The following STPG2 variants were observed in gnomAD, a reference collection of about 807,000 sequenced individuals.
STPG2 encodes the protein sperm-tail PG-rich repeat-containing protein 2.
Under a neutral mutation model 54.2 loss-of-function variants are expected in STPG2, and 56 were observed. The ratio of observed to expected loss-of-function variants is 1.03; its 90% CI spans 0.83 to 1.29. STPG2 has a LOEUF of 1.29. Ranked by LOEUF, STPG2 falls within the 50% of genes most tolerant of loss-of-function variation. The pLI is 0.00. For synonymous variants in STPG2, 200 were observed against 181.8 expected, an observed-to-expected ratio of 1.10 and a Z score of -0.81; for missense variants, 596 against 544.9, an observed-to-expected ratio of 1.09 and a Z score of -0.93.
intron 1 of STPG2, among the ~76,000 whole-genome samples, chr4:98,140,335 C>T (rs1740246908): frequency 6.6e-6 from 1 of 151,930 alleles, no homozygotes; most frequent in Non-Finnish European, 1.5e-5. Context: ...AGATGTTAAC[C>T]TTGATATTAC....
At chr4:98,040,787 T>A (rs1383235154) in intron 5 of STPG2, among the ~76,000 whole-genome samples, 1 of 151,972 alleles carries the variant, frequency 6.6e-6, no homozygotes, top group Admixed American at 6.6e-5. Context: ...TTGCTTAGGA[T>A]TGCCTTGGAT....
intron 10 of STPG2, among the ~76,000 whole-genome samples, chr4:97,634,490 G>T (rs966710305): frequency 6.6e-6 from 1 of 152,198 alleles, no homozygotes; most frequent in Non-Finnish European, 1.5e-5. Flanking sequence ...GCTGGACAGA[G>T]AATGACTTTG....
At chr4:97,956,773 TA>T (rs1357962795) in intron 7 of STPG2, among the ~76,000 whole-genome samples, 3 of 152,192 alleles carry the variant, frequency 2.0e-5, no homozygotes, top group Admixed American at 2.0e-4. Context: ...AGGGGGAGAA[TA>T]ATACAGCAAG....
chr4:97,658,105 T>C (rs1722268592), intron 10 of STPG2, among the ~76,000 whole-genome samples: 1 of 152,236 alleles, frequency 6.6e-6, no homozygotes, highest in East Asian at 1.9e-4. Flanking sequence ...ATCAGTTCCT[T>C]CCTCCCATTT....
intron 5 of STPG2, among the ~76,000 whole-genome samples, chr4:97,999,680 C>T (rs1271142938): frequency 1.3e-5 from 2 of 151,248 alleles, no homozygotes; most frequent in Non-Finnish European, 2.9e-5. Flanking sequence ...GCCTAAGTGA[C>T]GGAGTGAGAC....
At chr4:97,616,108 A>ATGTATATAT (rs1733867893) in intron 10 of STPG2, among the ~76,000 whole-genome samples, 1 of 87,286 alleles carries the variant, frequency 1.1e-5, no homozygotes, top group South Asian at 5.4e-4. Context: ...ATGTATATTT[A>ATGTATATAT]ATAGTAAGAC....
chr4:97,781,037 C>G (rs7699091), intron 9 of STPG2, among the ~76,000 whole-genome samples: 24,476 of 151,824 alleles, frequency 0.16, 2,138 homozygotes, highest in East Asian at 0.36. Context: ...GAAGCAAGAG[C>G]AAACACATTC....
intron 10 of STPG2, among the ~76,000 whole-genome samples, chr4:97,689,130 C>G (rs1010269344): frequency 1.3e-5 from 2 of 151,764 alleles, no homozygotes; most frequent in African/African-American, 4.8e-5. Flanking sequence ...ACTTTTTGGT[C>G]ACAAAAAAGA....
intron 10 of STPG2, among the ~76,000 whole-genome samples, chr4:97,566,829 C>G (rs1243458925): frequency 3.2e-4 from 45 of 142,540 alleles, no homozygotes; most frequent in Non-Finnish European, 4.5e-5. Context: ...AGGAACTGAA[C>G]AATGAGAACA....
chr4:98,041,094 C>T (rs1439821147), intron 5 of STPG2, among the ~76,000 whole-genome samples: 1 of 151,648 alleles, frequency 6.6e-6, no homozygotes, highest in East Asian at 1.9e-4. Context: ...ATTTTTGTAG[C>T]TATTGTAAAT....
chr4:97,933,060 C>G (rs1212315035), intron 8 of STPG2, among the ~76,000 whole-genome samples: 1 of 152,128 alleles, frequency 6.6e-6, no homozygotes. Context: ...AATCACTATT[C>G]TGACTGGCAT....
At chr4:97,928,370 G>C (rs898803522) in intron 8 of STPG2, among the ~76,000 whole-genome samples, 2 of 152,110 alleles carry the variant, frequency 1.3e-5, no homozygotes, top group African/African-American at 2.4e-5. Flanking sequence ...TTTCTTTTGT[G>C]TAGAAGTTTT....
chr4:97,990,554 G>T (rs1438683356), intron 5 of STPG2, among the ~76,000 whole-genome samples: 2 of 152,122 alleles, frequency 1.3e-5, no homozygotes, highest in Admixed American at 1.3e-4. Context: ...TCAGAATCTT[G>T]TTGAGTATGG....
chr4:97,938,356 G>T (rs1029305634), intron 8 of STPG2, among the ~76,000 whole-genome samples: 1 of 152,218 alleles, frequency 6.6e-6, no homozygotes, highest in Non-Finnish European at 1.5e-5. Flanking sequence ...CCTCCCCTGG[G>T]AAGCTGAGCT....
chr4:97,703,794 ATG>A (rs111993291), intron 10 of STPG2, among the ~76,000 whole-genome samples: 82 of 144,404 alleles, frequency 5.7e-4, no homozygotes, highest in Non-Finnish European at 7.4e-4. Flanking sequence ...GTGTATATAT[ATG>A]TGTGTGTGTG....
Position 97,981,308 on chromosome 4 carries a change from G to A in STPG2, c.623C>T (p.Pro208Leu). 3.7e-6 allele frequency: 6 copies of A among 1,613,540 alleles called. No homozygotes were observed. The highest frequency in any genetic ancestry group is 4.2e-6 in the Non-Finnish European group (5 of 1,179,824). The stretch of plus-strand genomic sequence containing the variant: ...AGGAGCCGGGGTGATTGATTTCATA[G>A]GTAAAAATCTCTAGTGAAGAACAGG... The part of the protein sequence containing the change: ...VLQEKKKRFL[P>L]MKSITPAPGT... The change falls in exon 6 of 11, where the codon CCT becomes CTT. Residue 208 changes from proline (P) to leucine (L), a missense_variant. Physicochemically the swap from Pro to Leu is moderately conservative, Grantham distance 98. Transcript: ENST00000295268.
Position 98,138,357 on chromosome 4 carries a change from G to C in STPG2, c.110-3898C>G, listed in dbSNP as rs541019866. 2.6e-4 allele frequency among the ~76,000 whole-genome samples: 39 copies of C among 152,150 alleles called. No homozygotes were observed. In the South Asian group the frequency reaches 7.3e-3, roughly 28 times the overall value. On this transcript the variant is annotated intron_variant, in intron 1 of 10. Coordinates refer to ENST00000295268, the MANE Select transcript of STPG2 (RefSeq NM_174952.3). ...CAAACTGACAGAAAGAAGAAATTAAGTGTATAGAAGAGGAGATTTGAGAAG... is the reference window on the plus strand; with the variant it reads ...CAAACTGACAGAAAGAAGAAATTAACTGTATAGAAGAGGAGATTTGAGAAG...
intron 8 of STPG2, among the ~76,000 whole-genome samples, chr4:97,890,688 T>C (rs1730735617): frequency 1.3e-5 from 2 of 151,870 alleles, no homozygotes; most frequent in Admixed American, 6.6e-5. Flanking sequence ...AAGAGTTGGA[T>C]TGTTCCACAA....
chr4:97,720,571 A>T (rs567488157), intron 9 of STPG2, among the ~76,000 whole-genome samples: 2 of 152,054 alleles, frequency 1.3e-5, no homozygotes, highest in Non-Finnish European at 2.9e-5. Flanking sequence ...ACAGCATGAC[A>T]ATTCTCTAAA....
Sources: allele counts gnomAD v4.1 joint callset (sites outside exome capture counted in the v4.1 genomes callset), GRCh38; gene constraint gnomAD v4.1.1; transcripts MANE v1.5; gene names NCBI Gene and HGNC (gene_info 2026-07-23, HGNC 2026-07-21).